Variants in LRPPRC observed in about 807,000 individuals in gnomAD.
The protein encoded by LRPPRC is leucine-rich PPR motif-containing protein, mitochondrial.
A neutral mutation model predicts 180.3 loss-of-function variants in LRPPRC; 120 were observed. That is an observed-to-expected ratio of 0.67 (90% CI 0.57 to 0.77). The LOEUF is 0.77. Among genes scored for constraint, LRPPRC ranks in the 30% least tolerant of loss-of-function variants. The probability of loss-of-function intolerance (pLI) is 0.00; values close to 1 mark genes in which losing one functional copy is unlikely to be tolerated. For synonymous variants in LRPPRC, 723 were observed against 600.0 expected, an observed-to-expected ratio of 1.21 and a Z score of -3.00; for missense variants, 2,012 against 1,657.2, an observed-to-expected ratio of 1.21 and a Z score of -3.72.
intron 25 of LRPPRC, among the ~76,000 whole-genome samples, chr2:43,931,591 C>T (rs1275531466): frequency 6.6e-6 from 1 of 152,170 alleles, no homozygotes; most frequent in African/African-American, 2.4e-5. Flanking sequence ...TTTTAATTCT[C>T]ACCCTAAACA....
chr2:43,981,611 C>T (rs1303424563), intron 2 of LRPPRC, among the ~76,000 whole-genome samples: 4 of 151,224 alleles, frequency 2.6e-5, no homozygotes, highest in Non-Finnish European at 4.4e-5. Flanking sequence ...GAGCCGAGAT[C>T]GTACCACTGC....
At chr2:43,923,816 G>C (rs539538661) in intron 27 of LRPPRC, among the ~76,000 whole-genome samples, 1 of 151,576 alleles carries the variant, frequency 6.6e-6, no homozygotes, top group Non-Finnish European at 1.5e-5. Flanking sequence ...TGGCACATTA[G>C]AATTTCATCA....
At position 43,899,721 on chromosome 2, in the gene LRPPRC, A is replaced by C. The variant is rs1670819236; in HGVS notation, c.3570-116T>G. On this transcript the variant is annotated intron_variant, in intron 32 of 37. Coordinates refer to ENST00000260665, the MANE Select transcript of LRPPRC (RefSeq NM_133259.4). The stretch of plus-strand genomic sequence containing the variant: ...ATGCTAATACTTTAGGAAAAAAATG[A>C]AATACATTTACACTTAACCAAATAA... 7.1e-6 allele frequency: 5 copies of C among 699,400 alleles called. No individual in the cohort carries two copies. In the South Asian group the frequency reaches 8.4e-5, roughly 12 times the overall value. The allele number at this position is 699,400 out of a possible 1,614,324, so 43.3% of individuals were successfully genotyped here.
At chr2:43,996,239 G>A (rs919407772), upstream of LRPPRC, among the ~76,000 whole-genome samples, 4 of 152,204 alleles carry the variant, frequency 2.6e-5, no homozygotes, top group Non-Finnish European at 5.9e-5. Context: ...GCACTCCTCT[G>A]TTGGTAGAGC....
intron 34 of LRPPRC, among the ~76,000 whole-genome samples, chr2:43,898,603 T>C (rs1325965290): frequency 1.3e-5 from 2 of 152,202 alleles, no homozygotes; most frequent in African/African-American, 2.4e-5. Context: ...TAAAATGGCA[T>C]GAATGCAGTT....
chr2:43,940,821 A>G (rs569182070), intron 23 of LRPPRC, among the ~76,000 whole-genome samples: 4 of 152,188 alleles, frequency 2.6e-5, no homozygotes, highest in Non-Finnish European at 5.9e-5. Flanking sequence ...ATTTTAAAGC[A>G]TTTCTTTCTT....
rs1036983459 is a variant in LRPPRC, at chr2:43,901,534, A to C, written c.3365-10T>G. On this transcript the variant is annotated splice_polypyrimidine_tract_variant and intron_variant, in intron 31 of 37. Coordinates refer to ENST00000260665, the MANE Select transcript of LRPPRC (RefSeq NM_133259.4). ...AGTGTTGTCACAGCCTCTAAAATAC[A>C]AGAGCAGGAGATGGCTTTTCTTATA... 1.3e-6 allele frequency: 2 copies of C among 1,586,060 alleles called. No individual in the cohort carries two copies. Among genetic ancestry groups the C allele is most frequent in the Admixed American group, 1.7e-5 (1 of 59,938 alleles).
chr2:43,974,956 TCTC>T, intron 7 of LRPPRC, 132 bp downstream of exon 7: 1 of 988,376 alleles, frequency 1.0e-6, no homozygotes, highest in Non-Finnish European at 1.6e-6. Context: ...CTATAATAAT[TCTC>T]CATAAATACT....
chr2:43,985,382 A>T (rs966764577), intron 1 of LRPPRC, among the ~76,000 whole-genome samples: 2 of 152,210 alleles, frequency 1.3e-5, no homozygotes, highest in African/African-American at 4.8e-5. Flanking sequence ...ATTAGAGTTC[A>T]CTGTGTGTAT....
chr2:43,945,967 A>T, intron 21 of LRPPRC, 146 bp downstream of exon 21: 1 of 800,242 alleles, frequency 1.2e-6, no homozygotes. Context: ...AAAGAGCCGT[A>T]TAATACGAAA....
intron 1 of LRPPRC, among the ~76,000 whole-genome samples, chr2:43,986,316 G>C (rs977768759): frequency 1.6e-4 from 24 of 152,006 alleles, no homozygotes; most frequent in African/African-American, 5.3e-4. Context: ...TTTTAGTACA[G>C]ACGGAGTTTT....
chr2:43,908,607 C>CGTT (rs1671143720), intron 30 of LRPPRC, among the ~76,000 whole-genome samples: 1 of 141,858 alleles, frequency 7.0e-6, no homozygotes, highest in Admixed American at 7.2e-5. Flanking sequence ...CTGCAACCTC[C>CGTT]GCCTCCCGGG....
At chr2:43,895,839 C>T (rs947647455) in intron 35 of LRPPRC, among the ~76,000 whole-genome samples, 2 of 151,906 alleles carry the variant, frequency 1.3e-5, no homozygotes, top group African/African-American at 2.4e-5. Flanking sequence ...AGGTAAAATC[C>T]GATCTAAGAG....
chr2:43,919,692 ATAAAT>A (rs1336147904), intron 27 of LRPPRC, among the ~76,000 whole-genome samples: 1 of 152,136 alleles, frequency 6.6e-6, no homozygotes, highest in Non-Finnish European at 1.5e-5. Context: ...ATTTAATATA[ATAAAT>A]TAGTTTCTGC....
rs1670699075 is a variant in LRPPRC at position 43,896,692 on chromosome 2, G to C, written c.3842C>G (p.Ala1281Gly). ...RALLQRCGAI[A>G]EQTPILLLFL... is the part of the protein sequence containing the mutation. ...CAACAACAAAATCGGGGTTTGTTCA[G>C]CAATTGCACCACATCTCTAAAAATT... The change falls in exon 35 of 38, where the codon GCT becomes GGT. Residue 1281 changes from alanine (A) to glycine (G), a missense_variant. By Grantham distance (60) the Ala-to-Gly change is moderately conservative. Transcript: ENST00000260665. 5 of 1,607,218 alleles carry C rather than the reference G, an allele frequency of 3.1e-6. No homozygotes were observed. The highest frequency in any genetic ancestry group is 3.4e-6 in the Non-Finnish European group (4 of 1,173,860).
Position 43,946,169 on chromosome 2 carries a change from T to G in LRPPRC, c.2154A>C (p.Ile718=), listed in dbSNP as rs1486625602. 9 of 1,611,392 alleles carry G rather than the reference T, an allele frequency of 5.6e-6. No homozygotes were observed. The highest frequency in any genetic ancestry group is 7.6e-6 in the Non-Finnish European group (9 of 1,177,696). ...DMVTGGYAAL[I]NLCCRHDKVE... ...CTTTATCATGTCGACAGCATAAATT[T>G]ATTAAAGCTGCATAGCCACCAGTAA... The change falls in exon 21 of 38, where the codon ATA becomes ATC. Residue 718 remains isoleucine (I), a synonymous_variant. Coordinates refer to ENST00000260665, the MANE Select transcript of LRPPRC (RefSeq NM_133259.4).
rs879312075 is a variant in LRPPRC, at chr2:43,929,981, CA to C, written c.2737-4021del. Among the ~76,000 whole-genome samples, 201 of 151,836 alleles carry C rather than the reference CA, an allele frequency of 1.3e-3. 1 individual carries two copies. The highest frequency in any genetic ancestry group is 2.4e-3 in the Admixed American group (36 of 15,248). On this transcript the variant is annotated intron_variant, in intron 25 of 37. Transcript: ENST00000260665. ...ACAAACAAACAAACAAACAAACAAA[CA>C]AACCCTAGCTCTAAAATCCACTGTC...
Position 43,908,587 on chromosome 2 carries a change from T to C in LRPPRC, c.3276-2807A>G, listed in dbSNP as rs555307705. Among the ~76,000 whole-genome samples the C allele has an allele frequency of 3.3e-5, 5 of 151,696 alleles. No individual in the cohort carries two copies. The East Asian group carries it at 9.8e-4, about 30-fold the overall frequency. ...CTCAGGCTGGAGTGCAGTGGCGCAA[T>C]CTTGGCTCACTGCAACCTCCGCCTC... On this transcript the variant is annotated intron_variant, in intron 30 of 37. Coordinates refer to ENST00000260665, the MANE Select transcript of LRPPRC (RefSeq NM_133259.4).
Position 43,963,598 on chromosome 2 carries a change from G to C in LRPPRC, c.1478C>G (p.Ala493Gly), listed in dbSNP as rs759417718. ...CACACTTGTACTCACCTGCAAAATGGCTCGTGCTGAGTTTACACTATCAAA... is the reference window on the plus strand; with the variant it reads ...CACACTTGTACTCACCTGCAAAATGCCTCGTGCTGAGTTTACACTATCAAA... Reference protein sequence around the residue: ...PCFDSVNSARAILQENGCLSD... With the variant: ...PCFDSVNSARGILQENGCLSD... The change falls in exon 12 of 38, where the codon GCC (alanine) becomes GGC (glycine). Residue 493 changes from alanine to glycine, a missense_variant. Ala to Gly is a moderately conservative substitution (Grantham distance 60). Coordinates refer to ENST00000260665, the MANE Select transcript of LRPPRC (RefSeq NM_133259.4). The C allele has an allele frequency of 6.3e-7, 1 of 1,588,184 alleles. No homozygotes were observed. Among genetic ancestry groups the C allele is most frequent in the Non-Finnish European group, 8.6e-7 (1 of 1,156,700 alleles).
Sources: gnomAD v4.1 joint callset for allele counts (sites outside exome capture counted in the v4.1 genomes callset) on GRCh38, gnomAD v4.1.1 for gene constraint, MANE v1.5 for transcripts, NCBI Gene and HGNC (gene_info 2026-07-23, HGNC 2026-07-21) for gene names.